Variants in NKAIN2 observed in about 807,000 individuals in gnomAD.
NKAIN2 encodes the protein sodium/potassium-transporting ATPase subunit beta-1-interacting protein 2.
NKAIN2 carries 14 observed loss-of-function variants against 32.6 expected under a neutral mutation model. The ratio of observed to expected loss-of-function variants is 0.43; its 90% CI spans 0.28 to 0.67. The LOEUF (loss-of-function observed/expected upper bound fraction) is 0.67, where lower values mean the gene tolerates loss of function less well. Among genes scored for constraint, NKAIN2 ranks in the 30% least tolerant of loss-of-function variants. The probability of loss-of-function intolerance (pLI) is 0.17; values close to 1 mark genes in which losing one functional copy is unlikely to be tolerated. For missense variants in NKAIN2, 198 were observed against 258.3 expected, an observed-to-expected ratio of 0.77 and a Z score of 1.60; for synonymous variants, 80 against 87.2, an observed-to-expected ratio of 0.92 and a Z score of 0.46.
chr6:123,838,534 G>A (rs1386220376), intron 1 of NKAIN2, among the ~76,000 whole-genome samples: 2 of 151,958 alleles, frequency 1.3e-5, no homozygotes, highest in Non-Finnish European at 2.9e-5. Context: ...GAAGGTTTTC[G>A]ATTTTACATT....
chr6:124,568,692 A>G (rs17763892), intron 3 of NKAIN2, among the ~76,000 whole-genome samples: 16,592 of 151,948 alleles, frequency 0.11, 971 homozygotes, highest in East Asian at 0.19. Flanking sequence ...TTACAAATGT[A>G]GGGTGGTCAT....
At chr6:124,576,047 T>G (rs915266203) in intron 3 of NKAIN2, among the ~76,000 whole-genome samples, 1 of 152,168 alleles carries the variant, frequency 6.6e-6, no homozygotes, top group East Asian at 1.9e-4. Flanking sequence ...TGGATTCACA[T>G]GAAGGAAAAA....
At chr6:124,660,148 A>G (rs1239652548) in intron 4 of NKAIN2, among the ~76,000 whole-genome samples, 1 of 152,178 alleles carries the variant, frequency 6.6e-6, no homozygotes, top group Non-Finnish European at 1.5e-5. Context: ...TTATATATGT[A>G]TTAAAAGGAG....
intron 3 of NKAIN2, among the ~76,000 whole-genome samples, chr6:124,486,938 C>A (rs1229235411): frequency 2.0e-5 from 3 of 152,170 alleles, no homozygotes; most frequent in Non-Finnish European, 2.9e-5. Context: ...TCAGTTTTAT[C>A]AAGGTGATAA....
intron 1 of NKAIN2, among the ~76,000 whole-genome samples, chr6:124,169,028 A>T (rs907259430): frequency 9.2e-5 from 14 of 152,150 alleles, no homozygotes; most frequent in African/African-American, 2.4e-4. Flanking sequence ...TATACTTTTG[A>T]CATCAGTATT....
chr6:124,558,015 T>C (rs534108889), intron 3 of NKAIN2, among the ~76,000 whole-genome samples: 9 of 152,240 alleles, frequency 5.9e-5, no homozygotes, highest in Non-Finnish European at 1.2e-4. Flanking sequence ...CATTGCTTTT[T>C]AGATCAAACA....
chr6:123,845,387 A>G (rs1775046336), intron 1 of NKAIN2, among the ~76,000 whole-genome samples: 1 of 152,252 alleles, frequency 6.6e-6, no homozygotes, highest in African/African-American at 2.4e-5. Flanking sequence ...AAAAAGAATA[A>G]TACAAAAGTG....
intron 1 of NKAIN2, among the ~76,000 whole-genome samples, chr6:123,880,837 C>T (rs577184309): frequency 6.6e-6 from 1 of 152,114 alleles, no homozygotes; most frequent in South Asian, 2.1e-4. Flanking sequence ...TCCTATGCAA[C>T]TGTAAAAAGC....
chr6:124,506,178 C>T (rs192748786), intron 3 of NKAIN2, among the ~76,000 whole-genome samples: 55 of 108,608 alleles, frequency 5.1e-4, no homozygotes, highest in East Asian at 4.0e-3. Flanking sequence ...AAGACTCCGT[C>T]TAAAAAAAAA....
chr6:124,626,100 C>A (rs543481468), intron 3 of NKAIN2, among the ~76,000 whole-genome samples: 5 of 122,046 alleles, frequency 4.1e-5, no homozygotes, highest in African/African-American at 1.5e-4. Flanking sequence ...CCACTCCCCA[C>A]ACCCCACAAC....
intron 1 of NKAIN2, among the ~76,000 whole-genome samples, chr6:123,962,965 CAA>C (rs1777914707): frequency 6.6e-6 from 1 of 152,154 alleles, no homozygotes; most frequent in Non-Finnish European, 1.5e-5. Context: ...AAGAACCTGA[CAA>C]TAGGTCAGCT....
chr6:124,455,309 C>T (rs1190652393), intron 3 of NKAIN2, among the ~76,000 whole-genome samples: 2 of 152,026 alleles, frequency 1.3e-5, no homozygotes, highest in African/African-American at 2.4e-5. Flanking sequence ...CTCACATATG[C>T]GTACAAGCCC....
intron 4 of NKAIN2, among the ~76,000 whole-genome samples, chr6:124,687,251 ACC>A (rs1353850303): frequency 1.4e-5 from 2 of 143,532 alleles, no homozygotes; most frequent in Non-Finnish European, 3.0e-5. Context: ...TATATATATT[ACC>A]TATATATATT....
rs545187298 is a variant in NKAIN2, at chr6:124,502,600, G to T, written c.273+147253G>T. Among the ~76,000 whole-genome samples the T allele has an allele frequency of 5.9e-5, 9 of 152,224 alleles. No individual in the cohort carries two copies. In the South Asian group the frequency reaches 1.7e-3, roughly 28 times the overall value. ...TTATTTACTCCAAGATTATAGAAAAGAATTCATGATATCAGCTGGTATATT... is the reference window on the plus strand; with the variant it reads ...TTATTTACTCCAAGATTATAGAAAATAATTCATGATATCAGCTGGTATATT... On this transcript the variant is annotated intron_variant, in intron 3 of 6. Coordinates refer to ENST00000368417, the MANE Select transcript of NKAIN2 (RefSeq NM_001040214.3).
intron 3 of NKAIN2, among the ~76,000 whole-genome samples, chr6:124,398,252 CAAAAAAAAAAAAAAAAAAA>C (rs869039720): frequency 2.9e-5 from 2 of 69,092 alleles, no homozygotes; most frequent in Non-Finnish European, 5.1e-5. Context: ...GACTGCATCT[CAAAAAAAAAAAAAAAAAAA>C]AAAAAAAAAA....
intron 1 of NKAIN2, among the ~76,000 whole-genome samples, chr6:123,857,253 G>A (rs1161052580): frequency 1.5e-5 from 2 of 134,406 alleles, no homozygotes; most frequent in African/African-American, 5.9e-5. Context: ...AAACAAGCCT[G>A]TGATTTAGAT....
chr6:124,819,714 A>G (rs1267695006), intron 6 of NKAIN2, among the ~76,000 whole-genome samples: 1 of 152,174 alleles, frequency 6.6e-6, no homozygotes, highest in African/African-American at 2.4e-5. Flanking sequence ...AGGAGTCCCT[A>G]TTACCTACTG....
At position 124,493,714 on chromosome 6, in the gene NKAIN2, CT is replaced by C. The variant is rs1440053365; in HGVS notation, c.273+138368del. The stretch of plus-strand genomic sequence containing the variant: ...TATCTTTCTGCACACCAACCCCCCC[CT>C]CCAAAAAAAAAAAAAAAAAAAAAAA... On this transcript the variant is annotated intron_variant, in intron 3 of 6. Transcript: ENST00000368417. 4.1e-3 allele frequency among the ~76,000 whole-genome samples: 352 copies of C among 85,672 alleles called. 5 individuals carry two copies. The highest frequency in any genetic ancestry group is 0.012 in the African/African-American group (280 of 22,984). The allele number at this position is 85,672 out of a possible 152,430, so 56.2% of individuals were successfully genotyped here. A position where few individuals can be genotyped will look rare whatever the true frequency, so the allele number is the denominator to read the frequency against.
intron 1 of NKAIN2, among the ~76,000 whole-genome samples, chr6:124,049,349 C>A (rs1782292732): frequency 1.3e-5 from 2 of 151,946 alleles, no homozygotes; most frequent in Admixed American, 6.6e-5. Context: ...CTCTAAGATG[C>A]AATGAAGGGT....
Sources: allele counts gnomAD v4.1 joint callset (sites outside exome capture counted in the v4.1 genomes callset), GRCh38; gene constraint gnomAD v4.1.1; transcripts MANE v1.5; gene names NCBI Gene and HGNC (gene_info 2026-07-23, HGNC 2026-07-21).